The following TTLL13 variants were observed in gnomAD, a reference collection of about 807,000 sequenced individuals.
TTLL13 encodes tubulin tyrosine ligase like 13.
the TTLL13 span, chr15:90,255,679 C>A: frequency 6.3e-7 from 1 of 1,599,488 alleles, no homozygotes; most frequent in Non-Finnish European, 8.6e-7. Context: ...AATCCTCCTC[C>A]ACTGCTTCCT....
the TTLL13 span, among the ~76,000 whole-genome samples, chr15:90,261,255 T>C: frequency 3.3e-5 from 5 of 151,656 alleles, no homozygotes; most frequent in African/African-American, 1.2e-4. Flanking sequence ...ATTTTTGTAT[T>C]TTTAGTAGAA....
At chr15:90,252,252 G>A in the TTLL13 span, among the ~76,000 whole-genome samples, 1 of 152,004 alleles carries the variant, frequency 6.6e-6, no homozygotes, top group African/African-American at 2.4e-5. Flanking sequence ...GGCCAGGCTG[G>A]TCTTGAACTC....
chr15:90,258,122 C>G, the TTLL13 span: 6 of 1,614,134 alleles, frequency 3.7e-6, no homozygotes, highest in Admixed American at 1.7e-5. Flanking sequence ...ACATCATCAT[C>G]AAAACCATCA....
chr15:90,262,392 C>A, the TTLL13 span: 2 of 1,305,066 alleles, frequency 1.5e-6, no homozygotes, highest in Non-Finnish European at 2.0e-6. Flanking sequence ...GTCCTAAGAA[C>A]AGATTGTAAT....
At chr15:90,257,859 C>A in the TTLL13 span, 2 of 960,616 alleles carry the variant, frequency 2.1e-6, no homozygotes, top group Non-Finnish European at 1.6e-6. Context: ...CCTGTGCCTG[C>A]ACTTTGGAGC....
chr15:90,258,920 G>A, the TTLL13 span: 1 of 1,614,200 alleles, frequency 6.2e-7, no homozygotes, highest in Non-Finnish European at 8.5e-7. Flanking sequence ...ACAGCCACGA[G>A]AATCTAGGTG....
At chr15:90,258,247 A>G in the TTLL13 span, 5 of 1,614,220 alleles carry the variant, frequency 3.1e-6, no homozygotes, top group South Asian at 1.1e-5. Flanking sequence ...CTGGACCACA[A>G]GTTGAAGCCC....
the TTLL13 span, chr15:90,250,878 G>A: frequency 5.5e-5 from 88 of 1,613,586 alleles, no homozygotes; most frequent in Non-Finnish European, 6.6e-5. Context: ...AAGAGAAGGC[G>A]GAAACGCAGG....
At chr15:90,258,498 G>C in the TTLL13 span, 381 of 615,932 alleles carry the variant, frequency 6.2e-4, 1 homozygote, top group African/African-American at 6.5e-3. Flanking sequence ...GGGATCCCCA[G>C]TGCCCTAATG....
the TTLL13 span, chr15:90,262,139 G>C: frequency 6.5e-7 from 1 of 1,535,786 alleles, no homozygotes; most frequent in South Asian, 1.2e-5. Flanking sequence ...CAAGCACAAT[G>C]GCTCCCTCTT....
chr15:90,263,967 A>G, the TTLL13 span: 5 of 1,536,024 alleles, frequency 3.3e-6, no homozygotes, highest in South Asian at 1.2e-5. Flanking sequence ...TCAACTGGAC[A>G]GGAGAGCCGG....
the TTLL13 span, among the ~76,000 whole-genome samples, chr15:90,253,928 C>A: frequency 6.6e-6 from 1 of 152,184 alleles, no homozygotes; most frequent in African/African-American, 2.4e-5. Context: ...GGAAGCCAGG[C>A]AGGAAGTTGA....
chr15:90,251,413 C>G, the TTLL13 span: 1 of 855,464 alleles, frequency 1.2e-6, no homozygotes, highest in East Asian at 2.6e-5. Flanking sequence ...CATGAGCCAC[C>G]GCGCCCAGCC....
the TTLL13 span, chr15:90,253,252 G>A: frequency 9.9e-6 from 16 of 1,613,362 alleles, no homozygotes; most frequent in East Asian, 6.7e-5. Context: ...TCTGCAGTGC[G>A]TCGGGCAGCC....
At chr15:90,261,182 A>C in the TTLL13 span, among the ~76,000 whole-genome samples, 1 of 150,800 alleles carries the variant, frequency 6.6e-6, no homozygotes, top group Non-Finnish European at 1.5e-5. Flanking sequence ...GGGTTCAAAA[A>C]ATTTTCCTGC....
chr15:90,256,164 G>A, the TTLL13 span: 2 of 1,614,148 alleles, frequency 1.2e-6, no homozygotes, highest in Non-Finnish European at 1.7e-6. Flanking sequence ...CAGTCCTACG[G>A]TCGTCAGCGA....
At chr15:90,254,658 A>G in the TTLL13 span, among the ~76,000 whole-genome samples, 5 of 152,062 alleles carry the variant, frequency 3.3e-5, no homozygotes, top group Non-Finnish European at 7.4e-5. Context: ...GGCAACAGGC[A>G]AAACCCCATC....
At chr15:90,264,827 G>C in the TTLL13 span, 2 of 1,535,826 alleles carry the variant, frequency 1.3e-6, no homozygotes, top group East Asian at 4.9e-5. Flanking sequence ...GGAAAGAGTG[G>C]CATCTGACTC....
At chr15:90,252,145 T>C in the TTLL13 span, among the ~76,000 whole-genome samples, 1 of 151,544 alleles carries the variant, frequency 6.6e-6, no homozygotes, top group Non-Finnish European at 1.5e-5. Context: ...GTTCAAGCGA[T>C]TCTCCTGCCT....
Sources: gnomAD v4.1 joint callset for allele counts (sites outside exome capture counted in the v4.1 genomes callset) on GRCh38, gnomAD v4.1.1 for gene constraint, MANE v1.5 for transcripts, NCBI Gene and HGNC (gene_info 2026-07-23, HGNC 2026-07-21) for gene names.